The following RPS6KC1 variants were observed in gnomAD, a reference collection of about 807,000 sequenced individuals.
RPS6KC1 encodes inactive ribosomal protein S6 kinase delta-1.
A neutral mutation model predicts 103.8 loss-of-function variants in RPS6KC1; 54 were observed. That is an observed-to-expected ratio of 0.52 (90% CI 0.42 to 0.65). The LOEUF is 0.65. RPS6KC1 is among the 30% of genes least tolerant of loss of function. The probability of loss-of-function intolerance (pLI) is 0.00; values close to 1 mark genes in which losing one functional copy is unlikely to be tolerated. For missense variants in RPS6KC1, 1,151 were observed against 1,253.8 expected (o/e 0.92, Z 1.24); for synonymous variants, 439 against 438.7 (o/e 1.00, Z -0.01).
the RPS6KC1 span, among the ~76,000 whole-genome samples, chr1:213,472,031 G>A: frequency 6.6e-6 from 1 of 152,154 alleles, no homozygotes; most frequent in African/African-American, 2.4e-5. Context: ...CATCTCAGAT[G>A]GAGGGAAAAT....
the RPS6KC1 span, among the ~76,000 whole-genome samples, chr1:213,681,339 A>C: frequency 1.3e-5 from 2 of 152,242 alleles, no homozygotes; most frequent in Non-Finnish European, 2.9e-5. Flanking sequence ...CTAACAAGGC[A>C]GTTCTCACTT....
At chr1:213,188,684 T>C (rs1337436142) in intron 8 of RPS6KC1, among the ~76,000 whole-genome samples, 1 of 152,170 alleles carries the variant, frequency 6.6e-6, no homozygotes, top group Non-Finnish European at 1.5e-5. Context: ...ATAGGAGCTT[T>C]TATGCTGTAA....
the RPS6KC1 span, among the ~76,000 whole-genome samples, chr1:213,447,492 T>A: frequency 6.6e-6 from 1 of 152,226 alleles, no homozygotes; most frequent in Non-Finnish European, 1.5e-5. Flanking sequence ...ATATAAATAT[T>A]TTTAAGCGGA....
the RPS6KC1 span, among the ~76,000 whole-genome samples, chr1:213,438,913 C>T: frequency 2.6e-5 from 4 of 151,830 alleles, no homozygotes; most frequent in Admixed American, 2.6e-4. Flanking sequence ...CCTGCCTCAG[C>T]CTCCCGAGTA....
chr1:213,187,251 T>C (rs78619574), intron 8 of RPS6KC1, among the ~76,000 whole-genome samples: 2,459 of 129,014 alleles, frequency 0.019, 138 homozygotes, highest in East Asian at 0.16. Flanking sequence ...CTTCTTCTTC[T>C]TTTTTTTTTT....
chr1:213,637,990 A>C, the RPS6KC1 span, among the ~76,000 whole-genome samples: 1 of 151,494 alleles, frequency 6.6e-6, no homozygotes, highest in Non-Finnish European at 1.5e-5. Context: ...CTAATGTTAA[A>C]ATTTTTTTTG....
chr1:213,490,675 C>T, the RPS6KC1 span, among the ~76,000 whole-genome samples: 4 of 152,150 alleles, frequency 2.6e-5, no homozygotes, highest in Non-Finnish European at 4.4e-5. Context: ...GGCTAGGATG[C>T]GTAGTTCAAG....
the RPS6KC1 span, among the ~76,000 whole-genome samples, chr1:213,542,601 T>A: frequency 2.0e-5 from 3 of 152,176 alleles, no homozygotes; most frequent in Non-Finnish European, 4.4e-5. Context: ...ACAGAGATGA[T>A]GAGAGGTAAA....
At chr1:213,308,518 T>C in the RPS6KC1 span, among the ~76,000 whole-genome samples, 1 of 152,186 alleles carries the variant, frequency 6.6e-6, no homozygotes, top group East Asian at 1.9e-4. Flanking sequence ...ATTATTATAA[T>C]ATATACAACC....
the RPS6KC1 span, among the ~76,000 whole-genome samples, chr1:213,637,496 C>A: frequency 6.6e-6 from 1 of 152,130 alleles, no homozygotes; most frequent in Non-Finnish European, 1.5e-5. Flanking sequence ...AGCAAACCAA[C>A]ATGGCACATG....
chr1:213,585,801 G>A, the RPS6KC1 span, among the ~76,000 whole-genome samples: 4 of 152,218 alleles, frequency 2.6e-5, no homozygotes, highest in East Asian at 1.9e-4. Flanking sequence ...CACATGGCAC[G>A]GCTTAACACA....
chr1:213,278,796 A>G (rs2095117427), downstream of RPS6KC1, among the ~76,000 whole-genome samples: 1 of 152,218 alleles, frequency 6.6e-6, no homozygotes, highest in Admixed American at 6.5e-5. Context: ...TGGTGAGCAT[A>G]CAAAGGAGAG....
the RPS6KC1 span, among the ~76,000 whole-genome samples, chr1:213,697,845 TATC>T: frequency 1.3e-5 from 2 of 152,210 alleles, no homozygotes; most frequent in Non-Finnish European, 2.9e-5. Context: ...CCAACAATAT[TATC>T]ATTTTTAGTA....
chr1:213,204,289 G>A (rs2093269314), intron 8 of RPS6KC1, among the ~76,000 whole-genome samples: 1 of 152,072 alleles, frequency 6.6e-6, no homozygotes, highest in Non-Finnish European at 1.5e-5. Flanking sequence ...CTTCCTATTT[G>A]CACACTTTCC....
chr1:213,559,694 T>G, the RPS6KC1 span, among the ~76,000 whole-genome samples: 5 of 152,232 alleles, frequency 3.3e-5, no homozygotes, highest in Admixed American at 2.6e-4. Flanking sequence ...TCTAGGCATA[T>G]AGATCAGTGC....
chr1:213,581,969 T>C, the RPS6KC1 span, among the ~76,000 whole-genome samples: 3 of 151,988 alleles, frequency 2.0e-5, no homozygotes, highest in Admixed American at 6.5e-5. Flanking sequence ...CCGTCAGACT[T>C]CCTCTGTGAC....
At chr1:213,068,543 A>G (rs1309450698) in intron 1 of RPS6KC1, among the ~76,000 whole-genome samples, 2 of 150,562 alleles carry the variant, frequency 1.3e-5, no homozygotes, top group Admixed American at 6.6e-5. Context: ...TAGTCATACT[A>G]TGTGAAATAC....
the RPS6KC1 span, among the ~76,000 whole-genome samples, chr1:213,566,461 T>TGGA: frequency 3.3e-4 from 12 of 36,004 alleles, no homozygotes; most frequent in African/African-American, 1.5e-3. Flanking sequence ...TTTTTTTTTT[T>TGGA]TTTTTTTTTT....
the RPS6KC1 span, among the ~76,000 whole-genome samples, chr1:213,667,295 C>A: frequency 1.3e-5 from 2 of 152,138 alleles, no homozygotes; most frequent in Admixed American, 6.5e-5. Context: ...AAAGACATTG[C>A]AAGCTTGGTT....
Sources: gnomAD v4.1 joint callset for allele counts (sites outside exome capture counted in the v4.1 genomes callset) on GRCh38, gnomAD v4.1.1 for gene constraint, MANE v1.5 for transcripts, NCBI Gene and HGNC (gene_info 2026-07-23, HGNC 2026-07-21) for gene names.